The following CDH12 variants were observed in gnomAD, a reference collection of about 807,000 sequenced individuals.
CDH12 encodes cadherin-12.
A neutral mutation model predicts 74.1 loss-of-function variants in CDH12; 41 were observed. The ratio of observed to expected loss-of-function variants is 0.55; its 90% CI spans 0.43 to 0.72. CDH12 has a LOEUF of 0.72. Among genes scored for constraint, CDH12 ranks in the 30% least tolerant of loss-of-function variants. The pLI, the probability that CDH12 is intolerant of heterozygous loss-of-function variation, is 0.00. For synonymous variants in CDH12, 399 were observed against 355.0 expected, an observed-to-expected ratio of 1.12 and a Z score of -1.39; for missense variants, 945 against 977.2, an observed-to-expected ratio of 0.97 and a Z score of 0.44.
At chr5:22,784,450 A>C (rs114319125) in intron 1 of CDH12, among the ~76,000 whole-genome samples, 68 of 152,220 alleles carry the variant, frequency 4.5e-4, no homozygotes, top group African/African-American at 1.6e-3. Context: ...TACCTTGGAC[A>C]ATGACTCATC....
intron 1 of CDH12, among the ~76,000 whole-genome samples, chr5:22,634,586 C>T (rs1293080641): frequency 6.6e-6 from 1 of 152,002 alleles, no homozygotes; most frequent in Admixed American, 6.6e-5. Flanking sequence ...CTTGTTAATA[C>T]ATGAAGCAAA....
intron 3 of CDH12, among the ~76,000 whole-genome samples, chr5:22,297,802 T>A (rs1737696728): frequency 6.6e-6 from 1 of 152,180 alleles, no homozygotes; most frequent in Non-Finnish European, 1.5e-5. Context: ...TTATTGCTTA[T>A]CTTTAAATTC....
Position 22,107,677 on chromosome 5 carries a change from C to T in CDH12, c.-186-28815G>A, listed in dbSNP as rs546946705. Among the ~76,000 whole-genome samples, 8 of 151,846 alleles carry T rather than the reference C, an allele frequency of 5.3e-5. 1 individual carries two copies. The highest frequency in any genetic ancestry group is 1.9e-4 in the African/African-American group (8 of 41,406). ...TATCAACGATACTTTACCAAAAGTT[C>T]ATAATAAGAAGAAATAAAAAGGTAA... On this transcript the variant is annotated intron_variant, in intron 4 of 14. Coordinates refer to ENST00000382254, the MANE Select transcript of CDH12 (RefSeq NM_004061.5).
At position 22,078,446 on chromosome 5, in the gene CDH12, C is replaced by G. The variant is rs764188263; in HGVS notation, c.231G>C (p.Lys77Asn). ...GTTGTCAAAAGAAATACGCCATTAC[C>G]TTTCCCACATACTGAGGCTCGGAGC... is the stretch of plus-strand genomic sequence containing the variant. ...YVGSEPQYVG[K>N]LHSDLDKGEG... Residue 77 changes from lysine to asparagine, a missense_variant and splice_region_variant, in exon 5 of 15, where the codon AAG (lysine) becomes AAC (asparagine). By Grantham distance (94) the Lys-to-Asn change is moderately conservative. Around this residue, in one of 3 missense-constraint regions of CDH12, gnomAD observed 148 missense variants for 162.8 expected, o/e 0.91. Transcript: ENST00000382254. 6.2e-7 allele frequency: 1 copy of G among 1,613,162 alleles called. No individual in the cohort carries two copies. Among genetic ancestry groups the G allele is most frequent in the Non-Finnish European group, 8.5e-7 (1 of 1,179,280 alleles).
At chr5:22,125,171 C>T (rs1745779172) in intron 4 of CDH12, among the ~76,000 whole-genome samples, 2 of 151,820 alleles carry the variant, frequency 1.3e-5, no homozygotes, top group Admixed American at 1.3e-4. Context: ...TATACATGTA[C>T]CATGGTGGTT....
In CDH12 at chr5:22,798,448, A is replaced by C. The variant is rs191199240; in HGVS notation, c.-523+54610T>G. Among the ~76,000 whole-genome samples the C allele has an allele frequency of 1.8e-4, 27 of 152,232 alleles. No individual in the cohort carries two copies. In the East Asian group the frequency reaches 4.1e-3, roughly 23 times the overall value. On this transcript the variant is annotated intron_variant, in intron 1 of 14. Coordinates refer to ENST00000382254, the MANE Select transcript of CDH12 (RefSeq NM_004061.5). ...TTTATTAGAAATAAATTTAACATGT[A>C]ATATGTTCATTATTGTTATCCTAAA... is the stretch of plus-strand genomic sequence containing the variant.
At chr5:21,760,170 A>G (rs887464144) in intron 13 of CDH12, among the ~76,000 whole-genome samples, 2 of 152,236 alleles carry the variant, frequency 1.3e-5, no homozygotes, top group Non-Finnish European at 2.9e-5. Flanking sequence ...TGTCTTTATA[A>G]TACCTGCATT....
intron 1 of CDH12, among the ~76,000 whole-genome samples, chr5:22,713,821 T>C (rs934689210): frequency 2.0e-5 from 3 of 152,132 alleles, no homozygotes; most frequent in Admixed American, 1.3e-4. Flanking sequence ...ATCCTGACTT[T>C]TAAAACTCAA....
intron 2 of CDH12, among the ~76,000 whole-genome samples, chr5:22,450,216 C>T (rs560455343): frequency 1.2e-4 from 18 of 151,984 alleles, no homozygotes; most frequent in African/African-American, 4.3e-4. Flanking sequence ...TTAGCCCTTC[C>T]AAGCTGAGTG....
chr5:21,880,458 C>T (rs1291246570), intron 6 of CDH12, among the ~76,000 whole-genome samples: 8 of 142,958 alleles, frequency 5.6e-5, no homozygotes, highest in African/African-American at 2.0e-4. Flanking sequence ...TTCCTTCCTT[C>T]CTTCCTTCTT....
At chr5:21,837,471 T>A (rs940744539) in intron 8 of CDH12, among the ~76,000 whole-genome samples, 2 of 103,936 alleles carry the variant, frequency 1.9e-5, no homozygotes, top group Admixed American at 1.8e-4. Context: ...GAGAAAGGTT[T>A]TTTTTTTTTT....
At chr5:22,076,016 A>G (rs1230561129) in intron 5 of CDH12, among the ~76,000 whole-genome samples, 2 of 152,118 alleles carry the variant, frequency 1.3e-5, no homozygotes, top group African/African-American at 4.8e-5. Flanking sequence ...ATCTAGAAGC[A>G]TCAAGACAGA....
chr5:22,231,844 C>A (rs958805499), intron 3 of CDH12, among the ~76,000 whole-genome samples: 5 of 151,768 alleles, frequency 3.3e-5, no homozygotes, highest in Admixed American at 1.3e-4. Flanking sequence ...ATATAAAAAT[C>A]TAAGTAATTA....
chr5:21,818,931 T>C (rs1001016420), intron 8 of CDH12, among the ~76,000 whole-genome samples: 3 of 152,000 alleles, frequency 2.0e-5, no homozygotes, highest in Admixed American at 1.3e-4. Context: ...ATCAAAGTAG[T>C]AATTTCTCAT....
intron 1 of CDH12, among the ~76,000 whole-genome samples, chr5:22,842,941 T>G (rs1194136864): frequency 1.3e-5 from 2 of 152,092 alleles, no homozygotes; most frequent in Non-Finnish European, 1.5e-5. Flanking sequence ...CTTTTCTCAG[T>G]TTCTACCAGA....
chr5:21,969,868 G>T lies in CDH12; in HGVS notation c.526+5223C>A, dbSNP rs76955377. ...AACATAATGAGGAGAGTACAGAATTGGTTCTGGGATATTTCTGACAAAGAT... is the reference window on the plus strand; with the variant it reads ...AACATAATGAGGAGAGTACAGAATTTGTTCTGGGATATTTCTGACAAAGAT... On this transcript the variant is annotated intron_variant, in intron 6 of 14. Transcript: ENST00000382254. Among the ~76,000 whole-genome samples the T allele has an allele frequency of 6.0e-4, 91 of 152,290 alleles. 1 individual carries two copies. In the East Asian group the frequency reaches 0.017, roughly 28 times the overall value.
At chr5:22,133,490 A>G (rs1367569780) in intron 4 of CDH12, among the ~76,000 whole-genome samples, 2 of 152,118 alleles carry the variant, frequency 1.3e-5, no homozygotes, top group African/African-American at 4.8e-5. Flanking sequence ...TGAAGATAAA[A>G]CTTAGACTCA....
At chr5:22,231,275 C>T (rs2150375038) in intron 3 of CDH12, among the ~76,000 whole-genome samples, 1 of 152,086 alleles carries the variant, frequency 6.6e-6, no homozygotes, top group East Asian at 1.9e-4. Flanking sequence ...TTGAATTAAA[C>T]CACATATATT....
chr5:22,006,719 C>A (rs1736985095), intron 5 of CDH12, among the ~76,000 whole-genome samples: 1 of 152,100 alleles, frequency 6.6e-6, no homozygotes, highest in African/African-American at 2.4e-5. Context: ...TTCTTATCTT[C>A]TCTATTTCTC....
Sources: allele counts gnomAD v4.1 joint callset (sites outside exome capture counted in the v4.1 genomes callset), GRCh38; gene constraint gnomAD v4.1.1; regional missense constraint gnomAD v4.1.1; transcripts MANE v1.5; gene names NCBI Gene and HGNC (gene_info 2026-07-23, HGNC 2026-07-21).